Variants in IKBKB observed in about 807,000 individuals in gnomAD.
IKBKB encodes inhibitor of nuclear factor kappa B kinase subunit beta.
IKBKB carries 42 observed loss-of-function variants against 113.6 expected under a neutral mutation model. The observed-to-expected ratio is 0.37, with a 90% confidence interval of 0.29 to 0.48. IKBKB has a LOEUF of 0.48. IKBKB is among the 20% of genes least tolerant of loss of function. The pLI, the probability that IKBKB is intolerant of heterozygous loss-of-function variation, is 0.99. For synonymous variants in IKBKB, 296 were observed against 361.3 expected (o/e 0.82, Z 2.05); for missense variants, 673 against 939.7 (o/e 0.72, Z 3.71).
intron 12 of IKBKB, 26 bp from the exon 13 acceptor site, chr8:42,318,526 A>G (rs768078256): frequency 1.2e-6 from 2 of 1,607,886 alleles, no homozygotes; most frequent in South Asian, 2.2e-5. Context: ...TTATTCTTTG[A>G]CAATTGCTTG....
At chr8:42,295,886 G>A (rs1037167874) in intron 5 of IKBKB, among the ~76,000 whole-genome samples, 3 of 152,054 alleles carry the variant, frequency 2.0e-5, no homozygotes, top group Non-Finnish European at 4.4e-5. Flanking sequence ...TGACTTGTGT[G>A]GTAGCTTTTA....
At chr8:42,309,610 G>A (rs1471327392) in intron 8 of IKBKB, 1 of 225,444 alleles carries the variant, frequency 4.4e-6, no homozygotes. Flanking sequence ...CTAGCCAGGT[G>A]TGGTGGCGGG....
chr8:42,295,372 G>C (rs973515566), intron 5 of IKBKB, among the ~76,000 whole-genome samples: 1 of 152,156 alleles, frequency 6.6e-6, no homozygotes, highest in Non-Finnish European at 1.5e-5. Flanking sequence ...GCCCATCTCA[G>C]CTTCCCAAAG....
Position 42,329,755 on chromosome 8 carries a change from C to A in IKBKB, c.2205+541C>A, listed in dbSNP as rs867284072. On this transcript the variant is annotated intron_variant, in intron 21 of 21. Transcript: ENST00000520810. ...ACCAGCCATGGCCTTGTCCTCAGGG[C>A]CTTGGAGCTTAGTGGTAGGTAGTAC... 12 of 985,202 alleles carry A rather than the reference C, an allele frequency of 1.2e-5. No individual in the cohort carries two copies. The African/African-American group carries it at 1.4e-4, about 11-fold the overall frequency. The allele number at this position is 985,202 out of a possible 1,614,324, so 61.0% of individuals were successfully genotyped here. A position where few individuals can be genotyped will look rare whatever the true frequency, so the allele number is the denominator to read the frequency against.
In IKBKB at chr8:42,316,903, A is replaced by C. The variant is rs1585763391; in HGVS notation, c.1124A>C (p.Lys375Thr). 1 of 1,614,000 alleles carries C rather than the reference A, an allele frequency of 6.2e-7. No homozygotes were observed. Among genetic ancestry groups the C allele is most frequent in the South Asian group, 1.1e-5 (1 of 91,030 alleles). ...KPATQCISDG[K>T]LNEGHTLDMD... is the part of the protein sequence containing the mutation. Reference sequence around the variant, plus strand: ...GCCACTCAGTGTATTTCAGACGGCAAGGTGAGCCCTGGCTTCGTACACACC... The same window carrying C: ...GCCACTCAGTGTATTTCAGACGGCACGGTGAGCCCTGGCTTCGTACACACC... The change falls in exon 11 of 22, where the codon AAG (lysine) becomes ACG (threonine). Residue 375 changes from lysine (K) to threonine (T), a missense_variant and splice_region_variant. Lys to Thr is a moderately conservative substitution (Grantham distance 78, BLOSUM62 -1). Around this residue, in one of 2 missense-constraint regions of IKBKB, gnomAD observed 506 missense variants for 638.7 expected, o/e 0.79. Coordinates refer to ENST00000520810, the MANE Select transcript of IKBKB (RefSeq NM_001556.3). The surrounding 1 kb of genome is among the most constrained non-coding windows in gnomAD (Gnocchi z 4.5).
Position 42,331,976 on chromosome 8 carries a change from C to G in IKBKB, c.*997C>G, listed in dbSNP as rs200299577. The stretch of plus-strand genomic sequence containing the variant: ...GGTTCCACAATCCACTGTTAGAATA[C>G]CTATGGTTAGGGCTTCTGAACTAAA... On this transcript the variant is annotated 3_prime_UTR_variant, in exon 22 of 22. Coordinates refer to ENST00000520810, the MANE Select transcript of IKBKB (RefSeq NM_001556.3). The G allele has an allele frequency of 1.3e-5, 2 of 157,394 alleles. No individual in the cohort carries two copies. Among genetic ancestry groups the G allele is most frequent in the South Asian group, 3.6e-4 (2 of 5,534 alleles). 9.7% of individuals were successfully genotyped at this position (157,394 alleles called of 1,614,324 possible). A position where few individuals can be genotyped will look rare whatever the true frequency, so the allele number is the denominator to read the frequency against.
At chr8:42,283,008 C>T (rs1386177306) in intron 2 of IKBKB, among the ~76,000 whole-genome samples, 3 of 152,066 alleles carry the variant, frequency 2.0e-5, no homozygotes, top group Admixed American at 6.6e-5. Context: ...GTATCTATGC[C>T]CAGTTATTTC....
intron 5 of IKBKB, among the ~76,000 whole-genome samples, chr8:42,301,365 G>A (rs1563329306): frequency 6.6e-6 from 1 of 152,142 alleles, no homozygotes; most frequent in African/African-American, 2.4e-5. Context: ...TCATCTCAAT[G>A]TCTCATTTTT....
intron 7 of IKBKB, among the ~76,000 whole-genome samples, chr8:42,306,846 G>T (rs987507879): frequency 2.0e-5 from 3 of 152,228 alleles, no homozygotes; most frequent in African/African-American, 7.2e-5. Flanking sequence ...AGGGGCCACT[G>T]AGTAGGGGTC....
At chr8:42,277,701 T>G (rs1417365196) in intron 2 of IKBKB, among the ~76,000 whole-genome samples, 2 of 152,172 alleles carry the variant, frequency 1.3e-5, no homozygotes, top group South Asian at 2.1e-4. Flanking sequence ...GGGATGGCTT[T>G]GTTCTGTGGC....
intron 5 of IKBKB, among the ~76,000 whole-genome samples, chr8:42,295,817 C>G (rs1342885935): frequency 6.6e-6 from 1 of 152,152 alleles, no homozygotes; most frequent in East Asian, 1.9e-4. Context: ...CTGATATTCA[C>G]AGAACCTCTC....
chr8:42,324,501 A>C (rs778311177), intron 19 of IKBKB: 1 of 152,566 alleles, frequency 6.6e-6, no homozygotes, highest in Non-Finnish European at 1.5e-5. Flanking sequence ...GCCTCAAGAG[A>C]TCTACCCCCC....
Position 42,272,211 on chromosome 8 carries a change from C to G in IKBKB, c.105+6C>G. ...TCATCCGATGGCACAATCAGGTAGGCCCTCTGTGCAGCTTGGGGAGGGGCG... is the reference window on the plus strand; with the variant it reads ...TCATCCGATGGCACAATCAGGTAGGGCCTCTGTGCAGCTTGGGGAGGGGCG... On this transcript the variant is annotated splice_donor_region_variant and intron_variant, in intron 2 of 21. Transcript: ENST00000520810. The G allele has an allele frequency of 6.2e-7, 1 of 1,614,118 alleles. No homozygotes were observed. Among genetic ancestry groups the G allele is most frequent in the Non-Finnish European group, 8.5e-7 (1 of 1,180,030 alleles).
chr8:42,280,484 C>T (rs967776207), intron 2 of IKBKB, among the ~76,000 whole-genome samples: 1 of 152,110 alleles, frequency 6.6e-6, no homozygotes, highest in African/African-American at 2.4e-5. Context: ...GGAGTGGGGG[C>T]GGGAAACACG....
intron 21 of IKBKB, chr8:42,329,910 C>CTT: frequency 1.0e-6 from 1 of 985,458 alleles, no homozygotes; most frequent in Non-Finnish European, 1.2e-6. Flanking sequence ...CCTCCCCTAA[C>CTT]TTTAAGCTTT....
intron 2 of IKBKB, among the ~76,000 whole-genome samples, chr8:42,276,599 T>C (rs1290492785): frequency 1.3e-5 from 2 of 152,200 alleles, no homozygotes; most frequent in African/African-American, 2.4e-5. Flanking sequence ...AGCTTTTTAG[T>C]TTGATGTAAT....
At chr8:42,330,789 T>C (rs1285410590) in intron 21 of IKBKB, 125 bp from the exon 22 acceptor site, 88 of 1,523,446 alleles carry the variant, frequency 5.8e-5, no homozygotes, top group Non-Finnish European at 7.7e-5. Context: ...ATTATAGGCA[T>C]GAGCCACTGT....
At chr8:42,328,931 T>C (rs1247171760) in intron 20 of IKBKB, among the ~76,000 whole-genome samples, 193 bp from the exon 21 acceptor site, 3 of 152,232 alleles carry the variant, frequency 2.0e-5, no homozygotes, top group African/African-American at 7.2e-5. Context: ...GTAACGCTCA[T>C]ATGTGGAAAG....
At chr8:42,307,315 A>C (rs1247348444) in intron 7 of IKBKB, among the ~76,000 whole-genome samples, 3 of 152,158 alleles carry the variant, frequency 2.0e-5, no homozygotes, top group Non-Finnish European at 4.4e-5. Flanking sequence ...GCTGAGAACA[A>C]GGTAGAGCAC....
Sources: gnomAD v4.1 joint callset for allele counts (sites outside exome capture counted in the v4.1 genomes callset) on GRCh38, gnomAD v4.1.1 for gene constraint, gnomAD v4.1.1 regional missense constraint, Gnocchi (gnomAD v3.1) non-coding constraint, MANE v1.5 for transcripts, NCBI Gene and HGNC (gene_info 2026-07-23, HGNC 2026-07-21) for gene names.